Variants in TRPM3 observed in about 807,000 individuals in gnomAD.
TRPM3 encodes transient receptor potential cation channel subfamily M member 3.
In TRPM3, 77 loss-of-function variants were observed where a neutral mutation model predicts 181.2. The observed-to-expected ratio is 0.42, with a 90% confidence interval of 0.35 to 0.51. The LOEUF (loss-of-function observed/expected upper bound fraction) is 0.51, where lower values mean the gene tolerates loss of function less well. Ranked by LOEUF, TRPM3 falls within the 20% of genes least tolerant of loss-of-function variation. The pLI is 0.01. For missense variants in TRPM3, 1,759 were observed against 2,196.7 expected, an observed-to-expected ratio of 0.80 and a Z score of 3.98; for synonymous variants, 745 against 796.4, an observed-to-expected ratio of 0.94 and a Z score of 1.09.
intron 1 of TRPM3, among the ~76,000 whole-genome samples, chr9:70,964,693 T>C (rs2097169157): frequency 6.6e-6 from 1 of 152,096 alleles, no homozygotes; most frequent in Admixed American, 6.6e-5. Context: ...CTGATTTTCA[T>C]AAATCACAAT....
In TRPM3 at chr9:70,827,931, T is replaced by C; in HGVS notation, c.889A>G (p.Asn297Asp). Reference protein sequence around the residue: ...SMHSHFILADNGTTGKYGAEV... With the variant: ...SMHSHFILADDGTTGKYGAEV... ...GCTCCATATTTTCCAGTGGTCCCGTTGTCAGCCAGAATGAAGTGGGAATGC... is the reference window on the plus strand; with the variant it reads ...GCTCCATATTTTCCAGTGGTCCCGTCGTCAGCCAGAATGAAGTGGGAATGC... The change falls in exon 6 of 26, where the codon AAC becomes GAC. Residue 297 changes from asparagine to aspartate, a missense_variant. Around this residue, in one of 8 missense-constraint regions of TRPM3, gnomAD observed 737 missense variants for 957.4 expected, o/e 0.77. Coordinates refer to ENST00000677713, the MANE Select transcript of TRPM3 (RefSeq NM_001366145.2). 1 of 1,614,182 alleles carries C rather than the reference T, an allele frequency of 6.2e-7. No homozygotes were observed. Among genetic ancestry groups the C allele is most frequent in the Non-Finnish European group, 8.5e-7 (1 of 1,180,002 alleles).
intron 9 of TRPM3, among the ~76,000 whole-genome samples, chr9:70,675,580 G>A (rs957581172): frequency 6.6e-6 from 1 of 152,096 alleles, no homozygotes; most frequent in African/African-American, 2.4e-5. Context: ...TGAAATAATT[G>A]TATGAGTTCA....
chr9:71,182,478 A>T (rs1294754513), intron 1 of TRPM3, among the ~76,000 whole-genome samples: 3 of 151,980 alleles, frequency 2.0e-5, no homozygotes, highest in Admixed American at 6.6e-5. Flanking sequence ...TTCCCCCTTA[A>T]CTTGGCAGGT....
chr9:71,082,336 T>C (rs934643629), intron 1 of TRPM3, among the ~76,000 whole-genome samples: 3 of 152,194 alleles, frequency 2.0e-5, no homozygotes, highest in Admixed American at 6.5e-5. Context: ...ACACTTCTCA[T>C]GATGCCAATT....
chr9:71,167,036 G>A (rs1257053038), intron 1 of TRPM3, among the ~76,000 whole-genome samples: 1 of 152,086 alleles, frequency 6.6e-6, no homozygotes, highest in Non-Finnish European at 1.5e-5. Context: ...GAGCTCTGTT[G>A]AATGTTCCAT....
chr9:71,199,111 T>C (rs1207228834), intron 1 of TRPM3, among the ~76,000 whole-genome samples: 4 of 151,600 alleles, frequency 2.6e-5, no homozygotes, highest in Non-Finnish European at 5.9e-5. Flanking sequence ...AAAGGTCTTT[T>C]CTGCATCTAT....
intron 1 of TRPM3, among the ~76,000 whole-genome samples, chr9:71,340,979 G>C (rs1477392347): frequency 6.6e-6 from 1 of 152,084 alleles, no homozygotes; most frequent in Non-Finnish European, 1.5e-5. Flanking sequence ...TGTCAAAACG[G>C]CACAGAAGCC....
chr9:71,088,050 C>T (rs984151973), intron 1 of TRPM3, among the ~76,000 whole-genome samples: 7 of 151,916 alleles, frequency 4.6e-5, no homozygotes, highest in African/African-American at 1.7e-4. Context: ...TGATATTGGG[C>T]TAGGTGCTAG....
chr9:70,571,201 C>T (rs939213077), intron 22 of TRPM3, among the ~76,000 whole-genome samples: 39 of 152,242 alleles, frequency 2.6e-4, no homozygotes, highest in Middle Eastern at 3.4e-3. Flanking sequence ...GCTCCGGAGC[C>T]GGCCAACATG....
chr9:71,349,668 A>C (rs1429037142), intron 1 of TRPM3, among the ~76,000 whole-genome samples: 1 of 152,218 alleles, frequency 6.6e-6, no homozygotes, highest in Non-Finnish European at 1.5e-5. Flanking sequence ...ATTACAATCA[A>C]CAATCATTCA....
chr9:70,603,236 A>C (rs1401052268), intron 20 of TRPM3, 106 bp downstream of exon 20: 2 of 1,376,652 alleles, frequency 1.5e-6, no homozygotes, highest in Non-Finnish European at 2.0e-6. Context: ...TAGAGAAAAC[A>C]GTTTCCGGCT....
intron 1 of TRPM3, among the ~76,000 whole-genome samples, chr9:71,227,204 G>A (rs73467799): frequency 0.021 from 3,153 of 150,992 alleles, 42 homozygotes; most frequent in African/African-American, 0.031. Context: ...GAAGAATTTT[G>A]GAAACCATAT....
chr9:70,961,068 T>C (rs1168200314), intron 1 of TRPM3, among the ~76,000 whole-genome samples: 1 of 152,140 alleles, frequency 6.6e-6, no homozygotes, highest in African/African-American at 2.4e-5. Flanking sequence ...TGAAGTTAAT[T>C]ACAACATAAG....
chr9:70,935,512 A>G (rs969693702), intron 1 of TRPM3, among the ~76,000 whole-genome samples: 2 of 152,188 alleles, frequency 1.3e-5, no homozygotes, highest in African/African-American at 4.8e-5. Context: ...AGCTGGTCTC[A>G]CACTATAGGT....
chr9:70,546,458 G>T (rs1046254462), intron 25 of TRPM3, among the ~76,000 whole-genome samples: 1 of 152,090 alleles, frequency 6.6e-6, no homozygotes, highest in Admixed American at 6.5e-5. Context: ...ATCCCTGCTG[G>T]GATGCACACA....
intron 1 of TRPM3, among the ~76,000 whole-genome samples, chr9:71,343,007 TA>T (rs1792438730): frequency 6.6e-6 from 1 of 151,640 alleles, no homozygotes; most frequent in Middle Eastern, 3.4e-3. Flanking sequence ...AAAGGTAAAA[TA>T]AAAAAATAAA....
chr9:71,239,319 C>T (rs183916192), intron 1 of TRPM3, among the ~76,000 whole-genome samples: 98 of 151,610 alleles, frequency 6.5e-4, no homozygotes, highest in Middle Eastern at 3.4e-3. Flanking sequence ...AGGGCACTTC[C>T]GAATTCTTAA....
rs138954748 is a variant in TRPM3 at position 71,050,886 on chromosome 9, G to A, written c.177+70292C>T. Among the ~76,000 whole-genome samples the A allele has an allele frequency of 2.7e-5, 4 of 150,852 alleles. No individual in the cohort carries two copies. In the East Asian group the frequency reaches 7.8e-4, roughly 30 times the overall value. On this transcript the variant is annotated intron_variant, in intron 1 of 25. Transcript: ENST00000677713. The stretch of plus-strand genomic sequence containing the variant: ...AGTCCAGATGCATTTATAATACAGT[G>A]AGGGCACCTGATTAATGGGAGGGGA...
intron 1 of TRPM3, among the ~76,000 whole-genome samples, chr9:71,288,005 C>A (rs79580718): frequency 0.01 from 1,527 of 152,044 alleles, 22 homozygotes; most frequent in East Asian, 0.074. Flanking sequence ...GTGTTAACTA[C>A]CCCTTATCAA....
Sources: allele counts gnomAD v4.1 joint callset (sites outside exome capture counted in the v4.1 genomes callset), GRCh38; gene constraint gnomAD v4.1.1; regional missense constraint gnomAD v4.1.1; transcripts MANE v1.5; gene names NCBI Gene and HGNC (gene_info 2026-07-23, HGNC 2026-07-21).